The following XKR6 variants were observed in gnomAD, a reference collection of about 807,000 sequenced individuals.
The protein encoded by XKR6 is XK-related protein 6.
Under a neutral mutation model 56.7 loss-of-function variants are expected in XKR6, and 22 were observed. The observed-to-expected ratio is 0.39, with a 90% CI of 0.28 to 0.55. The LOEUF is 0.55. XKR6 is among the 20% of genes least tolerant of loss of function. The pLI, the probability that XKR6 is intolerant of heterozygous loss-of-function variation, is 0.66. For synonymous variants in XKR6, 524 were observed against 387.8 expected (o/e 1.35, Z -4.13); for missense variants, 852 against 889.0 (o/e 0.96, Z 0.53).
intron 1 of XKR6, among the ~76,000 whole-genome samples, chr8:11,140,222 G>C (rs1403748392): frequency 1.3e-5 from 2 of 151,974 alleles, no homozygotes; most frequent in East Asian, 1.9e-4. Flanking sequence ...AGGAGTCTCT[G>C]ACTATAAAAG....
intron 1 of XKR6, among the ~76,000 whole-genome samples, chr8:11,084,320 G>A (rs537430895): frequency 6.6e-5 from 10 of 152,206 alleles, no homozygotes; most frequent in Non-Finnish European, 1.3e-4. Context: ...TGCCACATAC[G>A]ATTTCAGCCA....
chr8:10,947,311 G>T (rs926571506), intron 1 of XKR6, among the ~76,000 whole-genome samples: 2 of 152,182 alleles, frequency 1.3e-5, no homozygotes, highest in Non-Finnish European at 2.9e-5. Context: ...GCAAAGGTTT[G>T]GGAGTGAGAT....
At chr8:11,124,029 C>A (rs1471975959) in intron 1 of XKR6, 3 of 456,066 alleles carry the variant, frequency 6.6e-6, no homozygotes, top group Admixed American at 2.4e-5. Context: ...AAATCCCAAG[C>A]AATCTCTAGG....
rs137975502 is a variant in XKR6, at chr8:11,037,196, T to G, written c.765-112366A>C. Among the ~76,000 whole-genome samples, 56 of 152,364 alleles carry G rather than the reference T, an allele frequency of 3.7e-4. No homozygotes were observed. In the East Asian group the frequency reaches 0.011, roughly 29 times the overall value. Reference sequence around the variant, plus strand: ...CTTTTTACCATCCACAACCACCACTTATGTGATTACATGAGTTGATCAAGA... The same window carrying G: ...CTTTTTACCATCCACAACCACCACTGATGTGATTACATGAGTTGATCAAGA... On this transcript the variant is annotated intron_variant, in intron 1 of 2. Coordinates refer to ENST00000416569, the MANE Select transcript of XKR6 (RefSeq NM_173683.4).
At chr8:10,971,229 G>C (rs963733083) in intron 1 of XKR6, among the ~76,000 whole-genome samples, 9 of 151,812 alleles carry the variant, frequency 5.9e-5, no homozygotes, top group Admixed American at 1.3e-4. Context: ...AGATCATCCT[G>C]GCTAACACGG....
intron 2 of XKR6, among the ~76,000 whole-genome samples, chr8:10,906,306 G>A (rs1800188751): frequency 6.6e-6 from 1 of 152,184 alleles, no homozygotes; most frequent in South Asian, 2.1e-4. Flanking sequence ...GTCAGGATCA[G>A]CCATCCTTCT....
chr8:10,954,638 A>T (rs1030633342), intron 1 of XKR6, among the ~76,000 whole-genome samples: 2 of 152,142 alleles, frequency 1.3e-5, no homozygotes, highest in African/African-American at 4.8e-5. Context: ...TGTCCTCTGA[A>T]GCACAGAAAT....
rs771632670 is a variant in XKR6, at chr8:10,898,330, C to T, written c.1548G>A (p.Leu516=). The T allele has an allele frequency of 1.2e-6, 2 of 1,613,898 alleles. No individual in the cohort carries two copies. Among genetic ancestry groups the T allele is most frequent in the South Asian group, 2.2e-5 (2 of 91,068 alleles). The part of the protein sequence containing the change: ...KILASSCCAE[L]LWGIPLPPDV... ...CGGGGGGCAAAGGGATGCCCCAGAGCAGCTCGGCACAACAGGAGCTGGCAA... is the reference window on the plus strand; with the variant it reads ...CGGGGGGCAAAGGGATGCCCCAGAGTAGCTCGGCACAACAGGAGCTGGCAA... The change falls in exon 3 of 3, where the codon CTG becomes CTA. Residue 516 remains leucine, a synonymous_variant. Coordinates refer to ENST00000416569, the MANE Select transcript of XKR6 (RefSeq NM_173683.4). This position sits in a 1 kb window ranked among gnomAD's most constrained non-coding sequence, Gnocchi z 6.6.
intron 1 of XKR6, among the ~76,000 whole-genome samples, chr8:11,149,258 C>T (rs1370731716): frequency 6.6e-6 from 1 of 152,190 alleles, no homozygotes; most frequent in African/African-American, 2.4e-5. Context: ...CTATATACAG[C>T]CTATTGCTCC....
intron 1 of XKR6, among the ~76,000 whole-genome samples, chr8:10,949,223 G>A (rs569876533): frequency 6.6e-6 from 1 of 152,352 alleles, no homozygotes; most frequent in East Asian, 1.9e-4. Flanking sequence ...CCCTCCATAA[G>A]ATAAAGAGCG....
chr8:11,201,475 A>AG lies in XKR6; in HGVS notation c.-137dup, dbSNP rs947501589. On this transcript the variant is annotated 5_prime_UTR_variant, in exon 1 of 3. Coordinates refer to ENST00000416569, the MANE Select transcript of XKR6 (RefSeq NM_173683.4). ...GAGGAAGCGGGGGAGCAAACGAACG[A>AG]GGGGGGAGTGGGCCAGGGAACCCCC... is the stretch of plus-strand genomic sequence containing the variant. 27 of 543,654 alleles carry AG rather than the reference A, an allele frequency of 5.0e-5. No individual in the cohort carries two copies. The Admixed American group carries it at 7.5e-4, about 15-fold the overall frequency. The allele number at this position is 543,654 out of a possible 1,614,324, so 33.7% of individuals were successfully genotyped here.
Position 11,017,422 on chromosome 8 carries a change from A to G in XKR6, c.765-92592T>C, listed in dbSNP as rs537045149. ...CTTTAAATCCCTGGAACTAACCACA[A>G]CGGCAGCTTAGCCTGGAAACTCAAG... On this transcript the variant is annotated intron_variant, in intron 1 of 2. Transcript: ENST00000416569. Among the ~76,000 whole-genome samples the G allele has an allele frequency of 9.7e-4, 148 of 152,374 alleles. 1 individual carries two copies. Among genetic ancestry groups the G allele is most frequent in the Admixed American group, 5.2e-3 (80 of 15,308 alleles).
Position 10,984,732 on chromosome 8 carries a change from C to CTCTCTCTCTCTCTCTATATATATATA in XKR6, c.765-59903_765-59902insTATATATATATAGAGAGAGAGAGAGA. ...TCTCTCTCTCTCTCTCTCTCTCTCT[C>CTCTCTCTCTCTCTCTATATATATATA]TATATATATATATATATATATATAT... On this transcript the variant is annotated intron_variant, in intron 1 of 2. Coordinates refer to ENST00000416569, the MANE Select transcript of XKR6 (RefSeq NM_173683.4). Among the ~76,000 whole-genome samples the CTCTCTCTCTCTCTCTATATATATATA allele has an allele frequency of 2.5e-3, 118 of 47,398 alleles. 1 individual carries two copies. Among genetic ancestry groups the CTCTCTCTCTCTCTCTATATATATATA allele is most frequent in the Non-Finnish European group, 4.5e-3 (106 of 23,722 alleles). 31.1% of individuals were successfully genotyped at this position (47,398 alleles called of 152,430 possible). A position where few individuals can be genotyped will look rare whatever the true frequency, so the allele number is the denominator to read the frequency against.
At chr8:10,929,899 TTG>T (rs1465524175) in intron 1 of XKR6, among the ~76,000 whole-genome samples, 1 of 152,172 alleles carries the variant, frequency 6.6e-6, no homozygotes, top group Non-Finnish European at 1.5e-5. Flanking sequence ...TTTCCTTACT[TTG>T]TAAGCCATGG....
At chr8:11,162,446 G>A (rs933769902) in intron 1 of XKR6, among the ~76,000 whole-genome samples, 73 of 152,066 alleles carry the variant, frequency 4.8e-4, no homozygotes, top group African/African-American at 1.7e-3. Flanking sequence ...ATCAATTGTG[G>A]AAGGAAAAAC....
At position 11,201,097 on chromosome 8, in the gene XKR6, C is replaced by G; in HGVS notation, c.243G>C (p.Lys81Asn). The G allele has an allele frequency of 1.4e-6, 2 of 1,407,216 alleles. No individual in the cohort carries two copies. Among genetic ancestry groups the G allele is most frequent in the Non-Finnish European group, 1.8e-6 (2 of 1,082,440 alleles). 87.2% of individuals were successfully genotyped at this position (1,407,216 alleles called of 1,614,324 possible). The stretch of plus-strand genomic sequence containing the variant: ...CGTCGGCGGCGGCGCTGCGGCGCGG[C>G]TTCCTGCCCAGGAGGGAGCGCAGGC... ...SACLRSLLGR[K>N]PRRSAAADGG... Residue 81 changes from lysine (K) to asparagine (N), a missense_variant, in exon 1 of 3, where the codon AAG (lysine) becomes AAC (asparagine). By Grantham distance (94) the Lys-to-Asn change is moderately conservative. Transcript: ENST00000416569.
At chr8:10,957,888 C>A (rs1801943644) in intron 1 of XKR6, among the ~76,000 whole-genome samples, 1 of 151,902 alleles carries the variant, frequency 6.6e-6, no homozygotes, top group African/African-American at 2.4e-5. Context: ...TAAAAATGAT[C>A]CCCAATGTGA....
intron 1 of XKR6, among the ~76,000 whole-genome samples, chr8:11,101,545 A>G (rs991881951): frequency 1.3e-5 from 2 of 152,222 alleles, no homozygotes; most frequent in African/African-American, 4.8e-5. Context: ...GAGATGGAAG[A>G]CAGGAAATTT....
chr8:11,151,650 T>C (rs1253783914), intron 1 of XKR6, among the ~76,000 whole-genome samples: 1 of 151,930 alleles, frequency 6.6e-6, no homozygotes, highest in Non-Finnish European at 1.5e-5. Flanking sequence ...AGAGTCTCAG[T>C]TCAGAAAATC....
Sources: gnomAD v4.1 joint callset for allele counts (sites outside exome capture counted in the v4.1 genomes callset) on GRCh38, gnomAD v4.1.1 for gene constraint, Gnocchi (gnomAD v3.1) non-coding constraint, MANE v1.5 for transcripts, NCBI Gene and HGNC (gene_info 2026-07-23, HGNC 2026-07-21) for gene names.